The following TANC2 variants were observed in gnomAD, a reference collection of about 807,000 sequenced individuals.
The protein encoded by TANC2 is protein TANC2.
Under a neutral mutation model 210.5 loss-of-function variants are expected in TANC2, and 26 were observed. The ratio of observed to expected loss-of-function variants is 0.12; its 90% CI spans 0.09 to 0.17. The LOEUF is 0.17. Among genes scored for constraint, TANC2 ranks in the 10% least tolerant of loss-of-function variants. TANC2 has a pLI of 1.00. For missense variants in TANC2, 2,129 were observed against 2,608.9 expected (o/e 0.82, Z 4.01); for synonymous variants, 931 against 967.1 (o/e 0.96, Z 0.69).
At chr17:63,394,137 A>G (rs776415385) in intron 17 of TANC2, among the ~76,000 whole-genome samples, 5 of 152,108 alleles carry the variant, frequency 3.3e-5, no homozygotes, top group Non-Finnish European at 7.4e-5. Flanking sequence ...TTCCCTCAAC[A>G]TGTATTAATT....
intron 14 of TANC2, among the ~76,000 whole-genome samples, chr17:63,378,020 C>T (rs998797096): frequency 6.6e-6 from 1 of 152,120 alleles, no homozygotes; most frequent in Non-Finnish European, 1.5e-5. Flanking sequence ...CCACCAAGTC[C>T]CTCCCATGAC....
chr17:63,324,203 G>T lies in TANC2; in HGVS notation c.1575+5113G>T, dbSNP rs573067761. 2.0e-5 allele frequency among the ~76,000 whole-genome samples: 3 copies of T among 152,284 alleles called. No homozygotes were observed. The South Asian group carries it at 6.2e-4, about 32-fold the overall frequency. On this transcript the variant is annotated intron_variant, in intron 11 of 27. Transcript: ENST00000689528. ...CTTAGATTAAGAAGCTAACATATCT[G>T]AAATGAGTTCATTAGAGAAAACAGC...
chr17:63,279,717 A>G (rs752922310), intron 9 of TANC2, among the ~76,000 whole-genome samples: 6 of 152,176 alleles, frequency 3.9e-5, no homozygotes, highest in Non-Finnish European at 7.4e-5. Context: ...AGCACTGTAC[A>G]GAAAGGACAC....
At chr17:63,314,272 C>A in intron 9 of TANC2, 116 bp from the exon 10 acceptor site, 1 of 1,138,168 alleles carries the variant, frequency 8.8e-7, no homozygotes, top group Non-Finnish European at 1.3e-6. Context: ...CTGAATAAGC[C>A]TAGGATGCCA....
chr17:63,056,934 T>C (rs780243665), intron 2 of TANC2, among the ~76,000 whole-genome samples: 1 of 152,142 alleles, frequency 6.6e-6, no homozygotes, highest in Non-Finnish European at 1.5e-5. Flanking sequence ...TGAGGGGAAA[T>C]GTCTATGTTT....
chr17:63,170,384 G>A (rs1452062763), intron 5 of TANC2, among the ~76,000 whole-genome samples: 2 of 150,514 alleles, frequency 1.3e-5, no homozygotes, highest in East Asian at 1.9e-4. Flanking sequence ...GCAGTAAGCC[G>A]AGATCGTGCC....
chr17:63,123,804 G>A (rs1271604538), intron 4 of TANC2, among the ~76,000 whole-genome samples: 1 of 143,708 alleles, frequency 7.0e-6, no homozygotes, highest in African/African-American at 2.6e-5. Context: ...CTGAGTTCAA[G>A]CAATTCTCTG....
At chr17:63,187,183 G>T (rs1156291209) in intron 5 of TANC2, among the ~76,000 whole-genome samples, 3 of 152,330 alleles carry the variant, frequency 2.0e-5, no homozygotes, top group African/African-American at 7.2e-5. Flanking sequence ...AATATGGTGA[G>T]AGACTGGACT....
chr17:63,420,425 C>G lies in TANC2; in HGVS notation c.4695C>G (p.Thr1565=), dbSNP rs371119228. The G allele has an allele frequency of 1.2e-6, 2 of 1,613,850 alleles. No homozygotes were observed. The highest frequency in any genetic ancestry group is 1.3e-5 in the African/African-American group (1 of 74,912). The change falls in exon 28 of 28, where the codon ACC becomes ACG. Residue 1565 remains threonine (T), a synonymous_variant. Coordinates refer to ENST00000689528, the Ensembl canonical transcript of TANC2. The surrounding 1 kb of genome is among the most constrained non-coding windows in gnomAD (Gnocchi z 4.2). ...CTGTAGGCTCTCCCACTAGACAGAC[C>G]TATCAGTCCACCTCACCTGCCCTTT...
intron 12 of TANC2, among the ~76,000 whole-genome samples, chr17:63,345,368 C>G (rs1274632432): frequency 6.6e-6 from 1 of 152,006 alleles, no homozygotes; most frequent in Non-Finnish European, 1.5e-5. Context: ...GCCTGTAATC[C>G]CAACACTTTG....
chr17:63,322,415 G>T (rs374789884), intron 11 of TANC2, among the ~76,000 whole-genome samples: 1 of 152,068 alleles, frequency 6.6e-6, no homozygotes, highest in African/African-American at 2.4e-5. Context: ...GGAGAATGGC[G>T]TGAACCTGGG....
chr17:63,193,238 G>A (rs1294354330), intron 5 of TANC2, among the ~76,000 whole-genome samples: 2 of 152,078 alleles, frequency 1.3e-5, no homozygotes, highest in African/African-American at 4.8e-5. Flanking sequence ...GCCTCTGGGA[G>A]GATAATAGGA....
chr17:63,303,370 G>T (rs2044785553), intron 9 of TANC2, among the ~76,000 whole-genome samples: 1 of 152,150 alleles, frequency 6.6e-6, no homozygotes, highest in Non-Finnish European at 1.5e-5. Context: ...GCTTAGTTTG[G>T]CTGGATATGA....
intron 4 of TANC2, among the ~76,000 whole-genome samples, chr17:63,119,400 C>CT (rs1253568016): frequency 2.6e-5 from 4 of 152,082 alleles, no homozygotes; most frequent in African/African-American, 9.7e-5. Flanking sequence ...ATACAAGTGC[C>CT]TTTGCCCAAT....
At chr17:63,318,186 A>G (rs2045374633) in intron 10 of TANC2, among the ~76,000 whole-genome samples, 1 of 152,224 alleles carries the variant, frequency 6.6e-6, no homozygotes, top group African/African-American at 2.4e-5. Flanking sequence ...TTGGCCATCA[A>G]ATAACAACTT....
chr17:63,192,828 T>C (rs951126348), intron 5 of TANC2, among the ~76,000 whole-genome samples: 4 of 152,244 alleles, frequency 2.6e-5, no homozygotes, highest in Non-Finnish European at 5.9e-5. Flanking sequence ...TAAATAAATA[T>C]ATACTCTTAT....
intron 2 of TANC2, among the ~76,000 whole-genome samples, chr17:63,050,555 G>A (rs1308561627): frequency 2.0e-5 from 3 of 152,112 alleles, no homozygotes; most frequent in South Asian, 2.1e-4. Context: ...TGAGCCCTGG[G>A]GCAGTCTATC....
At chr17:63,381,260 A>G (rs1481376088) in intron 15 of TANC2, 1 of 152,232 alleles carries the variant, frequency 6.6e-6, no homozygotes, top group Non-Finnish European at 1.5e-5. Context: ...GCACAGTTTT[A>G]TCTTATACTG....
chr17:63,331,634 A>G (rs2045845218), intron 11 of TANC2, among the ~76,000 whole-genome samples: 2 of 152,226 alleles, frequency 1.3e-5, no homozygotes, highest in Admixed American at 6.5e-5. Context: ...TGCTTCCCAC[A>G]AAAAGATCTG....
Sources: allele counts gnomAD v4.1 joint callset (sites outside exome capture counted in the v4.1 genomes callset), GRCh38; gene constraint gnomAD v4.1.1; non-coding constraint Gnocchi (gnomAD v3.1); transcripts MANE v1.5; gene names NCBI Gene and HGNC (gene_info 2026-07-23, HGNC 2026-07-21).